Variants in SETBP1 observed in about 807,000 individuals in gnomAD.
SETBP1 encodes the protein SET-binding protein.
Under a neutral mutation model 101.0 loss-of-function variants are expected in SETBP1, and 9 were observed. The observed-to-expected ratio is 0.09, with a 90% CI of 0.05 to 0.16. The LOEUF is 0.16. SETBP1 is among the 10% of genes least tolerant of loss of function. The pLI, the probability that SETBP1 is intolerant of heterozygous loss-of-function variation, is 1.00. For missense variants in SETBP1, 1,858 were observed against 2,033.8 expected (o/e 0.91, Z 1.66); for synonymous variants, 818 against 788.5 (o/e 1.04, Z -0.63).
intron 2 of SETBP1, among the ~76,000 whole-genome samples, chr18:44,773,758 T>C (rs1380476549): frequency 1.3e-5 from 2 of 151,494 alleles, no homozygotes; most frequent in East Asian, 3.9e-4. Context: ...AAAAGTAGGT[T>C]CATACCTTAG....
intron 3 of SETBP1, among the ~76,000 whole-genome samples, chr18:44,883,941 C>A (rs2069585561): frequency 6.6e-6 from 1 of 152,168 alleles, no homozygotes; most frequent in African/African-American, 2.4e-5. Context: ...CTTTTATGTA[C>A]AAAAGATTTA....
rs760288319 is a variant in SETBP1 at position 45,063,532 on chromosome 18, C to A, written c.4625C>A (p.Pro1542His). The A allele has an allele frequency of 9.4e-6, 13 of 1,387,310 alleles. No homozygotes were observed. In the East Asian group the frequency reaches 3.4e-4, roughly 36 times the overall value. The allele number at this position is 1,387,310 out of a possible 1,614,324, so 85.9% of individuals were successfully genotyped here. ...PPPPPPLPPP[P>H]PLPKTPRGGK... ...CCGCCACCACCCCTGCCCCCGCCAC[C>A]CCCTCTACCCAAGACCCCCCGAGGC... The change falls in exon 6 of 6, where the codon CCC becomes CAC. Residue 1542 changes from proline to histidine, a missense_variant. Pro to His is a moderately conservative substitution (Grantham distance 77). Coordinates refer to ENST00000649279, the MANE Select transcript of SETBP1 (RefSeq NM_015559.3).
At chr18:44,864,122 A>G (rs1270109568) in intron 2 of SETBP1, among the ~76,000 whole-genome samples, 1 of 152,152 alleles carries the variant, frequency 6.6e-6, no homozygotes, top group Non-Finnish European at 1.5e-5. Flanking sequence ...GGGGAAAAAA[A>G]TGGAGTCACC....
chr18:44,847,392 A>G (rs2072745892), intron 2 of SETBP1, among the ~76,000 whole-genome samples: 1 of 152,130 alleles, frequency 6.6e-6, no homozygotes. Context: ...GCCTTCTGGG[A>G]TGAGTGAAGG....
Position 44,951,005 on chromosome 18 carries a change from G to T in SETBP1, c.1665G>T (p.Met555Ile). ...EAVMATSDKL[M>I]LEPPSAYPIT... ...TTATGGCCACCTCTGATAAACTGATGCTGGAGCCCCCGTCTGCATATCCCA... is the reference window on the plus strand; with the variant it reads ...TTATGGCCACCTCTGATAAACTGATTCTGGAGCCCCCGTCTGCATATCCCA... The change falls in exon 4 of 6, where the codon ATG becomes ATT. Residue 555 changes from methionine (M) to isoleucine (I), a missense_variant. By Grantham distance (10) the Met-to-Ile change is conservative. Coordinates refer to ENST00000649279, the MANE Select transcript of SETBP1 (RefSeq NM_015559.3). This position sits in a 1 kb window ranked among gnomAD's most constrained non-coding sequence, Gnocchi z 7.8. The T allele has an allele frequency of 6.2e-7, 1 of 1,613,990 alleles. No individual in the cohort carries two copies. Among genetic ancestry groups the T allele is most frequent in the Non-Finnish European group, 8.5e-7 (1 of 1,180,024 alleles).
chr18:44,879,320 G>A (rs1292627548), intron 3 of SETBP1, among the ~76,000 whole-genome samples: 1 of 152,156 alleles, frequency 6.6e-6, no homozygotes, highest in African/African-American at 2.4e-5. Context: ...ACTTGTACTA[G>A]CTGTGTGACC....
intron 3 of SETBP1, among the ~76,000 whole-genome samples, chr18:44,875,321 C>T (rs1378568369): frequency 6.6e-6 from 1 of 151,854 alleles, no homozygotes; most frequent in East Asian, 1.9e-4. Context: ...GAGATCGAGA[C>T]CTCCTGGCCA....
chr18:44,760,304 C>T (rs888144229), intron 2 of SETBP1, among the ~76,000 whole-genome samples: 7 of 152,160 alleles, frequency 4.6e-5, no homozygotes, highest in African/African-American at 9.7e-5. Context: ...AGCTGGTTTA[C>T]GTGGGTGCAC....
At chr18:44,687,247 T>C (rs2068854109) in intron 1 of SETBP1, among the ~76,000 whole-genome samples, 1 of 152,136 alleles carries the variant, frequency 6.6e-6, no homozygotes, top group Admixed American at 6.5e-5. Flanking sequence ...GTAAAAAAGT[T>C]TGGAGTGGTA....
intron 3 of SETBP1, among the ~76,000 whole-genome samples, chr18:44,941,614 T>C (rs1199804752): frequency 3.3e-5 from 5 of 152,140 alleles, no homozygotes; most frequent in Non-Finnish European, 7.4e-5. Flanking sequence ...CATAGATCAG[T>C]GAGGTACTGT....
intron 2 of SETBP1, among the ~76,000 whole-genome samples, chr18:44,813,950 G>A (rs895827223): frequency 6.6e-6 from 1 of 152,164 alleles, no homozygotes; most frequent in Non-Finnish European, 1.5e-5. Context: ...GAATCTGCAG[G>A]TCCTTTGGTT....
chr18:44,868,787 G>A (rs1436840491), intron 2 of SETBP1, among the ~76,000 whole-genome samples: 1 of 150,668 alleles, frequency 6.6e-6, no homozygotes, highest in African/African-American at 2.4e-5. Context: ...CCCTCTTAGA[G>A]GAGATGGACC....
intron 2 of SETBP1, among the ~76,000 whole-genome samples, chr18:44,862,490 C>T (rs564823865): frequency 3.0e-4 from 45 of 152,132 alleles, no homozygotes; most frequent in African/African-American, 9.9e-4. Flanking sequence ...AAACCACCCC[C>T]GCGGTCTCTA....
intron 2 of SETBP1, among the ~76,000 whole-genome samples, chr18:44,721,778 G>A (rs549014088): frequency 6.6e-6 from 1 of 152,260 alleles, no homozygotes; most frequent in South Asian, 2.1e-4. Context: ...CCATGAGGGG[G>A]ACTTTTCCTT....
intron 2 of SETBP1, among the ~76,000 whole-genome samples, chr18:44,709,812 ATTTT>A (rs35610551): frequency 3.3e-5 from 4 of 121,592 alleles, no homozygotes; most frequent in Admixed American, 2.6e-4. Flanking sequence ...ATCACTAATG[ATTTT>A]TTTTTTTTTT....
chr18:44,937,013 C>T (rs1332045982), intron 3 of SETBP1, among the ~76,000 whole-genome samples: 3 of 152,150 alleles, frequency 2.0e-5, no homozygotes, highest in Non-Finnish European at 1.5e-5. Flanking sequence ...GACCCTATTT[C>T]TGCTGGATGT....
intron 2 of SETBP1, among the ~76,000 whole-genome samples, chr18:44,827,820 G>A (rs1293954496): frequency 1.3e-5 from 2 of 152,176 alleles, no homozygotes; most frequent in African/African-American, 4.8e-5. Context: ...TGTTGACCCT[G>A]TTAAGCCTTC....
chr18:44,805,923 C>T (rs2071722561), intron 2 of SETBP1, among the ~76,000 whole-genome samples: 1 of 152,078 alleles, frequency 6.6e-6, no homozygotes, highest in Non-Finnish European at 1.5e-5. Context: ...CCTCATTGTT[C>T]TATGCTAAAT....
intron 2 of SETBP1, among the ~76,000 whole-genome samples, chr18:44,812,988 T>A (rs1177155464): frequency 3.3e-5 from 5 of 151,960 alleles, no homozygotes; most frequent in Admixed American, 3.3e-4. Flanking sequence ...TGGGGCCACA[T>A]CAGTGACATG....
Sources: allele counts gnomAD v4.1 joint callset (sites outside exome capture counted in the v4.1 genomes callset), GRCh38; gene constraint gnomAD v4.1.1; non-coding constraint Gnocchi (gnomAD v3.1); transcripts MANE v1.5; gene names NCBI Gene and HGNC (gene_info 2026-07-23, HGNC 2026-07-21).